PRKAA2: variants seen among roughly 807,000 people sequenced by gnomAD.
The protein encoded by PRKAA2 is protein kinase AMP-activated catalytic subunit alpha 2.
PRKAA2 carries 40 observed loss-of-function variants against 56.3 expected under a neutral mutation model. That is an observed-to-expected ratio of 0.71 (90% CI 0.55 to 0.92). The LOEUF (loss-of-function observed/expected upper bound fraction) is 0.92, where lower values mean the gene tolerates loss of function less well. Among genes scored for constraint, PRKAA2 ranks in the 40% least tolerant of loss-of-function variants. PRKAA2 has a pLI of 0.00. For synonymous variants in PRKAA2, 214 were observed against 234.2 expected (o/e 0.91, Z 0.79); for missense variants, 542 against 686.9 (o/e 0.79, Z 2.36).
In PRKAA2 at chr1:56,676,787, C is replaced by T. The variant is rs1644116785; in HGVS notation, c.236+2265C>T. Among the ~76,000 whole-genome samples the T allele has an allele frequency of 2.0e-5, 3 of 152,140 alleles. No homozygotes were observed. The South Asian group carries it at 6.2e-4, about 32-fold the overall frequency. ...GAAGGGACCCATGTGGTGCATCTTACCGGCAGCAAGAGTATGCCACTGACT... is the reference window on the plus strand; with the variant it reads ...GAAGGGACCCATGTGGTGCATCTTATCGGCAGCAAGAGTATGCCACTGACT... On this transcript the variant is annotated intron_variant, in intron 2 of 8. Coordinates refer to ENST00000371244, the MANE Select transcript of PRKAA2 (RefSeq NM_006252.4).
intron 6 of PRKAA2, among the ~76,000 whole-genome samples, chr1:56,702,994 C>G (rs1644307074): frequency 6.6e-6 from 1 of 152,174 alleles, no homozygotes. Context: ...AGAAGACATT[C>G]AGTCAGAATA....
rs1557564036 is a variant in PRKAA2 at position 56,704,315 on chromosome 1, C to G, written c.1133C>G (p.Pro378Arg). Residue 378 changes from proline to arginine, a missense_variant, in exon 7 of 9, where the codon CCC becomes CGC. By Grantham distance (103) the Pro-to-Arg change is moderately radical. Around this residue, in one of 5 missense-constraint regions of PRKAA2, gnomAD observed 198 missense variants for 234.0 expected, o/e 0.85. Transcript: ENST00000371244. ...ATGCCACCTCTTATAGCAGACAGCC[C>G]CAAAGCAAGATGTCCATTGGATGCA... ...ERMPPLIADS[P>R]KARCPLDALN... The G allele has an allele frequency of 6.2e-7, 1 of 1,613,954 alleles. No homozygotes were observed. Among genetic ancestry groups the G allele is most frequent in the Non-Finnish European group, 8.5e-7 (1 of 1,180,018 alleles).
intron 1 of PRKAA2, among the ~76,000 whole-genome samples, chr1:56,655,266 AT>A (rs1189357892): frequency 1.2e-3 from 17 of 14,306 alleles, no homozygotes; most frequent in Admixed American, 6.5e-3. Flanking sequence ...GTATTTATAT[AT>A]CTATATATAT....
At chr1:56,686,915 A>G (rs1289551919) in intron 2 of PRKAA2, among the ~76,000 whole-genome samples, 5 of 141,184 alleles carry the variant, frequency 3.5e-5, no homozygotes, top group Admixed American at 7.4e-5. Context: ...ACAGAGTTTC[A>G]CTCTTGTTGC....
chr1:56,658,096 C>T lies in PRKAA2; in HGVS notation c.94+12615C>T, dbSNP rs552382223. On this transcript the variant is annotated intron_variant, in intron 1 of 8. Coordinates refer to ENST00000371244, the MANE Select transcript of PRKAA2 (RefSeq NM_006252.4). ...TGTAAAAACACAAATTTTTATTAGA[C>T]TGAAGTTAAGGATGCATGTTGTAAT... 2.6e-5 allele frequency among the ~76,000 whole-genome samples: 4 copies of T among 152,206 alleles called. No homozygotes were observed. In the South Asian group the frequency reaches 8.3e-4, roughly 32 times the overall value.
chr1:56,690,240 C>CG (rs1309558466), intron 2 of PRKAA2, among the ~76,000 whole-genome samples: 1 of 151,566 alleles, frequency 6.6e-6, no homozygotes, highest in Middle Eastern at 3.2e-3. Context: ...CTTGGCTCAC[C>CG]GCAAGCTCTG....
chr1:56,669,626 G>T (rs1035942365), intron 1 of PRKAA2, among the ~76,000 whole-genome samples: 1 of 152,066 alleles, frequency 6.6e-6, no homozygotes, highest in Non-Finnish European at 1.5e-5. Flanking sequence ...GCCAGCATCT[G>T]TGTTCCTGAC....
At chr1:56,698,128 G>T (rs1382615735) in intron 6 of PRKAA2, among the ~76,000 whole-genome samples, 1 of 145,120 alleles carries the variant, frequency 6.9e-6, no homozygotes, top group African/African-American at 2.6e-5. Flanking sequence ...TGTTTACCAG[G>T]CTGGTCTTGA....
At chr1:56,696,861 T>C (rs543641064) in intron 6 of PRKAA2, among the ~76,000 whole-genome samples, 167 of 152,212 alleles carry the variant, frequency 1.1e-3, no homozygotes, top group Non-Finnish European at 2.0e-3. Flanking sequence ...AGTAGCAAGA[T>C]GATTCACTGC....
At chr1:56,654,267 A>C (rs2100381515) in intron 1 of PRKAA2, among the ~76,000 whole-genome samples, 1 of 152,304 alleles carries the variant, frequency 6.6e-6, no homozygotes, top group East Asian at 1.9e-4. Context: ...AAAACATCCC[A>C]AAATGTCCAC....
intron 1 of PRKAA2, among the ~76,000 whole-genome samples, chr1:56,668,678 A>G (rs1644053117): frequency 6.6e-6 from 1 of 152,126 alleles, no homozygotes; most frequent in Non-Finnish European, 1.5e-5. Flanking sequence ...ACTATATAAT[A>G]TATTAAAATA....
chr1:56,648,925 G>A lies in PRKAA2; in HGVS notation c.94+3444G>A, dbSNP rs138124261. Among the ~76,000 whole-genome samples the A allele has an allele frequency of 4.2e-3, 638 of 152,262 alleles. 3 individuals carry two copies. Among genetic ancestry groups the A allele is most frequent in the Non-Finnish European group, 5.8e-3 (392 of 68,012 alleles). On this transcript the variant is annotated intron_variant, in intron 1 of 8. Transcript: ENST00000371244. ...GGTTACTTGTCATCTTATAAGTTGA[G>A]TTGTGAGGATTCTTTGTAAATTGTG... is the stretch of plus-strand genomic sequence containing the variant.
Position 56,707,552 on chromosome 1 carries a change from T to G in PRKAA2, c.1498T>G (p.Ser500Ala), listed in dbSNP as rs769707635. The G allele has an allele frequency of 6.2e-7, 1 of 1,614,158 alleles. No individual in the cohort carries two copies. The highest frequency in any genetic ancestry group is 8.5e-7 in the Non-Finnish European group (1 of 1,180,026). The stretch of plus-strand genomic sequence containing the variant: ...TGCTGCTGGCTTACACAGACCAAGA[T>G]CAAGTTTTGATTCCACAACTGCAGA... ...CSAAGLHRPR[S>A]SFDSTTAESH... Residue 500 changes from serine to alanine, a missense_variant, in exon 9 of 9, where the codon TCA becomes GCA. Ser to Ala is a moderately conservative substitution (Grantham distance 99, BLOSUM62 1). Transcript: ENST00000371244.
At chr1:56,646,321 A>G (rs1646642066) in intron 1 of PRKAA2, among the ~76,000 whole-genome samples, 1 of 152,168 alleles carries the variant, frequency 6.6e-6, no homozygotes, top group Non-Finnish European at 1.5e-5. Context: ...CTTCTAGGGT[A>G]AGGGAGAGAA....
chr1:56,699,661 A>C (rs1557561875), intron 6 of PRKAA2, among the ~76,000 whole-genome samples: 1 of 152,208 alleles, frequency 6.6e-6, no homozygotes, highest in Non-Finnish European at 1.5e-5. Flanking sequence ...ACTGGCTTTT[A>C]GTGTATTCAC....
intron 1 of PRKAA2, among the ~76,000 whole-genome samples, chr1:56,667,059 C>G (rs1644041310): frequency 6.6e-6 from 1 of 152,132 alleles, no homozygotes; most frequent in African/African-American, 2.4e-5. Flanking sequence ...GAAGACTAAT[C>G]TTTCTTACTA....
At chr1:56,694,585 G>C (rs1190302926) in intron 5 of PRKAA2, among the ~76,000 whole-genome samples, 1 of 152,024 alleles carries the variant, frequency 6.6e-6, no homozygotes, top group East Asian at 1.9e-4. Context: ...ATCAAGATTT[G>C]GTATCTGGTG....
At chr1:56,656,050 G>A (rs138819963) in intron 1 of PRKAA2, among the ~76,000 whole-genome samples, 141 of 152,258 alleles carry the variant, frequency 9.3e-4, no homozygotes, top group African/African-American at 3.3e-3. Flanking sequence ...GAGAATATTA[G>A]CAGAGGACTG....
intron 1 of PRKAA2, among the ~76,000 whole-genome samples, chr1:56,646,898 C>T (rs1051807228): frequency 1.3e-5 from 2 of 151,972 alleles, no homozygotes; most frequent in African/African-American, 4.8e-5. Flanking sequence ...GAGGATACAG[C>T]AAGGAAAAAA....
Sources: gnomAD v4.1 joint callset for allele counts (sites outside exome capture counted in the v4.1 genomes callset) on GRCh38, gnomAD v4.1.1 for gene constraint, gnomAD v4.1.1 regional missense constraint, MANE v1.5 for transcripts, NCBI Gene and HGNC (gene_info 2026-07-23, HGNC 2026-07-21) for gene names.